The following RMDN2 variants were observed in gnomAD, a reference collection of about 807,000 sequenced individuals.
The protein encoded by RMDN2 is regulator of microtubule dynamics 2.
RMDN2 carries 61 observed loss-of-function variants against 52.8 expected under a neutral mutation model. The observed-to-expected ratio is 1.16, with a 90% CI of 0.94 to 1.43. The LOEUF is 1.43. Among genes scored for constraint, RMDN2 ranks in the 40% most tolerant of loss-of-function variants. RMDN2 has a pLI of 0.00. For synonymous variants in RMDN2, 180 were observed against 153.1 expected (o/e 1.18, Z -1.30); for missense variants, 592 against 475.3 (o/e 1.25, Z -2.28).
chr2:37,951,748 C>G, intron 2 of RMDN2: 3 of 1,612,908 alleles, frequency 1.9e-6, no homozygotes, highest in Non-Finnish European at 1.7e-6. Context: ...ATAACCATCT[C>G]TGCTCCTGAA....
At chr2:37,991,169 C>A (rs749143846) in intron 6 of RMDN2, 51 bp from the exon 7 acceptor site, 3 of 1,067,456 alleles carry the variant, frequency 2.8e-6, no homozygotes, top group South Asian at 3.1e-5. Context: ...TAGTTCCAGT[C>A]AACAATATCT....
At chr2:37,985,195 A>T (rs1016817833) in intron 5 of RMDN2, among the ~76,000 whole-genome samples, 2 of 152,182 alleles carry the variant, frequency 1.3e-5, no homozygotes, top group Non-Finnish European at 2.9e-5. Flanking sequence ...AGAGATATCC[A>T]TAAGTAGTTC....
chr2:38,050,589 T>C (rs922002719), intron 10 of RMDN2, among the ~76,000 whole-genome samples: 7 of 152,122 alleles, frequency 4.6e-5, no homozygotes, highest in African/African-American at 1.7e-4. Context: ...TATCCTACCA[T>C]GGTTCAGTTT....
chr2:37,924,654 A>C (rs1275264680), upstream of RMDN2, among the ~76,000 whole-genome samples: 1 of 152,226 alleles, frequency 6.6e-6, no homozygotes, highest in East Asian at 1.9e-4. Context: ...GGCGTGACCC[A>C]CCGCGCCCGG....
In RMDN2 at chr2:38,017,355, A is replaced by G; in HGVS notation, c.*116A>G. The G allele has an allele frequency of 2.9e-6, 4 of 1,400,494 alleles. No individual in the cohort carries two copies. The highest frequency in any genetic ancestry group is 3.7e-6 in the Non-Finnish European group (4 of 1,071,878). The allele number at this position is 1,400,494 out of a possible 1,614,324, so 86.8% of individuals were successfully genotyped here. On this transcript the variant is annotated 3_prime_UTR_variant, in exon 11 of 11. Transcript: ENST00000354545. ...GTAAGGGTATTGTGCTTAGATTTGA[A>G]GGTAAAGCCATGTTTCTGCAGAATG...
intron 7 of RMDN2, among the ~76,000 whole-genome samples, chr2:37,992,488 C>G (rs1473810927): frequency 6.6e-6 from 1 of 152,134 alleles, no homozygotes; most frequent in African/African-American, 2.4e-5. Flanking sequence ...TGTTAATTTG[C>G]TAAGTTTGTA....
rs1678923545 is a variant in RMDN2, at chr2:38,017,195, G to C, written c.1189G>C (p.Ala397Pro). The stretch of plus-strand genomic sequence containing the variant: ...TGTATTTTCTTTATAGGATAAAGAG[G>C]CACAGAAAGAGATGCAAAAAATAAT... ...LPTVTKEDKE[A>P]QKEMQKIMTS... Residue 397 changes from alanine to proline, a missense_variant, in exon 11 of 11, where the codon GCA (alanine) becomes CCA (proline). Ala to Pro is a conservative substitution (Grantham distance 27, BLOSUM62 -1). Coordinates refer to ENST00000354545, the MANE Select transcript of RMDN2 (RefSeq NM_001170791.3). The C allele has an allele frequency of 6.5e-7, 1 of 1,527,054 alleles. No individual in the cohort carries two copies. The highest frequency in any genetic ancestry group is 1.4e-5 in the African/African-American group (1 of 72,498). The allele number at this position is 1,527,054 out of a possible 1,614,324, so 94.6% of individuals were successfully genotyped here.
At chr2:37,951,390 A>G in intron 2 of RMDN2, 2 of 1,613,308 alleles carry the variant, frequency 1.2e-6, no homozygotes, top group Non-Finnish European at 1.7e-6. Context: ...CAATGCAGCC[A>G]AAGCAAGTAG....
intron 8 of RMDN2, among the ~76,000 whole-genome samples, chr2:38,000,550 A>G (rs924822624): frequency 3.9e-5 from 6 of 152,150 alleles, no homozygotes; most frequent in African/African-American, 1.2e-4. Flanking sequence ...TTCTATCACT[A>G]TAAATTAGTT....
intron 10 of RMDN2, among the ~76,000 whole-genome samples, chr2:38,015,630 GAA>G: frequency 6.6e-6 from 1 of 152,066 alleles, no homozygotes; most frequent in African/African-American, 2.4e-5. Context: ...ATTTTACTCA[GAA>G]AGAGTAGACT....
chr2:37,981,104 C>G (rs1673253774), intron 4 of RMDN2, among the ~76,000 whole-genome samples, 179 bp from the exon 5 acceptor site: 1 of 152,216 alleles, frequency 6.6e-6, no homozygotes. Context: ...GGGCCCCAAT[C>G]CCACAGTGTG....
At chr2:37,947,048 T>C (rs1318504945) in intron 2 of RMDN2, among the ~76,000 whole-genome samples, 3 of 152,198 alleles carry the variant, frequency 2.0e-5, no homozygotes, top group Non-Finnish European at 4.4e-5. Flanking sequence ...TTTTTTGAAA[T>C]TATTTTTTTA....
At chr2:37,959,942 G>T (rs964303945) in intron 2 of RMDN2, among the ~76,000 whole-genome samples, 1 of 143,928 alleles carries the variant, frequency 6.9e-6, no homozygotes, top group Non-Finnish European at 1.5e-5. Flanking sequence ...CCATTTCCAT[G>T]TAGTTGTGCA....
chr2:37,986,231 G>T lies in RMDN2; in HGVS notation c.792-3310G>T, dbSNP rs137976950. ...GTTGAGAGGAAACATTGAACAGAAT[G>T]GCAGAGGCCATTTCAAAATAACATG... On this transcript the variant is annotated intron_variant, in intron 5 of 10. Coordinates refer to ENST00000354545, the MANE Select transcript of RMDN2 (RefSeq NM_001170791.3). Among the ~76,000 whole-genome samples, 359 of 152,246 alleles carry T rather than the reference G, an allele frequency of 2.4e-3. 2 individuals carry two copies. The highest frequency in any genetic ancestry group is 0.011 in the South Asian group (55 of 4,822).
chr2:37,945,258 A>G (rs2124939828), intron 2 of RMDN2, among the ~76,000 whole-genome samples: 1 of 152,362 alleles, frequency 6.6e-6, no homozygotes, highest in African/African-American at 2.4e-5. Context: ...AAAGACAGGA[A>G]GAACACATTT....
chr2:38,042,402 GCCACACACACACACACACACA>G (rs751255223), intron 10 of RMDN2, among the ~76,000 whole-genome samples: 7 of 96,008 alleles, frequency 7.3e-5, no homozygotes, highest in Admixed American at 2.3e-4. Context: ...ACCTCCCCCC[GCCACACACACACACACACACA>G]CCACACACAC....
Position 37,929,335 on chromosome 2 carries a change from A to G in RMDN2, c.58A>G (p.Ile20Val). Residue 20 changes from isoleucine to valine, a missense_variant, in exon 2 of 11, where the codon ATC becomes GTC. Coordinates refer to ENST00000354545, the MANE Select transcript of RMDN2 (RefSeq NM_001170791.3). ...TGGCATCATGGTGGGCACTGCTGGA[A>G]TCAGCTTGCTGCTCTTGTGGTACCA... ...ILGIMVGTAG[I>V]SLLLLWYHKV... The G allele has an allele frequency of 3.2e-6, 5 of 1,552,004 alleles. No individual in the cohort carries two copies. The highest frequency in any genetic ancestry group is 4.4e-6 in the Non-Finnish European group (5 of 1,146,982).
At chr2:37,925,899 A>G (rs1468319252) in intron 1 of RMDN2, among the ~76,000 whole-genome samples, 1 of 142,734 alleles carries the variant, frequency 7.0e-6, no homozygotes, top group Non-Finnish European at 1.5e-5. Flanking sequence ...CGAAGGCCGG[A>G]TTATCAGTGC....
rs773808266 is a variant in RMDN2, at chr2:38,061,546, C to T, written c.1714-5436C>T. Reference sequence around the variant, plus strand: ...CACATGGAGAGGATGTAAGAGGAAGCTTGTCCTTAATGCCCACCCCTTGGT... The same window carrying T: ...CACATGGAGAGGATGTAAGAGGAAGTTTGTCCTTAATGCCCACCCCTTGGT... On this transcript the variant is annotated intron_variant, in intron 10 of 10. Coordinates refer to the RMDN2 transcript ENST00000234195. Among the ~76,000 whole-genome samples the T allele has an allele frequency of 2.6e-5, 4 of 151,644 alleles. No homozygotes were observed. In the South Asian group the frequency reaches 6.3e-4, roughly 24 times the overall value.
Sources: allele counts gnomAD v4.1 joint callset (sites outside exome capture counted in the v4.1 genomes callset), GRCh38; gene constraint gnomAD v4.1.1; transcripts MANE v1.5; gene names NCBI Gene and HGNC (gene_info 2026-07-23, HGNC 2026-07-21).